The following ZMYM4 variants were observed in gnomAD, a reference collection of about 807,000 sequenced individuals.
ZMYM4 encodes zinc finger MYM-type protein 4.
ZMYM4 carries 31 observed loss-of-function variants against 183.2 expected under a neutral mutation model. The observed-to-expected ratio is 0.17, with a 90% CI of 0.13 to 0.23. The LOEUF is 0.23. Among genes scored for constraint, ZMYM4 ranks in the 10% least tolerant of loss-of-function variants. The pLI, the probability that ZMYM4 is intolerant of heterozygous loss-of-function variation, is 1.00. For synonymous variants in ZMYM4, 592 were observed against 631.2 expected (o/e 0.94, Z 0.93); for missense variants, 1,273 against 1,840.3 (o/e 0.69, Z 5.64).
intron 13 of ZMYM4, among the ~76,000 whole-genome samples, chr1:35,387,863 T>C (rs901697387): frequency 1.3e-5 from 2 of 152,196 alleles, no homozygotes; most frequent in African/African-American, 4.8e-5. Context: ...ATCCTTAGGT[T>C]CCCCATTATT....
chr1:35,403,908 A>G (rs1644956686), intron 23 of ZMYM4, among the ~76,000 whole-genome samples: 1 of 152,128 alleles, frequency 6.6e-6, no homozygotes, highest in South Asian at 2.1e-4. Flanking sequence ...AGCTTAATTA[A>G]TCTTTCAAGA....
intron 2 of ZMYM4, chr1:35,350,937 A>G (rs907530324): frequency 1.5e-6 from 1 of 664,492 alleles, no homozygotes; most frequent in African/African-American, 1.8e-5. Context: ...GGGGGATATG[A>G]TAGTCTGTGC....
rs549960021 is a variant in ZMYM4 at position 35,291,303 on chromosome 1, A to G, written c.39+22218A>G. Among the ~76,000 whole-genome samples the G allele has an allele frequency of 2.0e-5, 3 of 151,980 alleles. No individual in the cohort carries two copies. The East Asian group carries it at 5.8e-4, about 29-fold the overall frequency. On this transcript the variant is annotated intron_variant, in intron 1 of 29. Transcript: ENST00000314607. ...TTTCACTTTCTTTTTTTTTGCAGAA[A>G]TAGGGTGCCGGGTCTTGCTTTGTTG... is the stretch of plus-strand genomic sequence containing the variant.
intron 1 of ZMYM4, among the ~76,000 whole-genome samples, chr1:35,321,638 C>T (rs1036993067): frequency 6.6e-6 from 1 of 151,734 alleles, no homozygotes; most frequent in Non-Finnish European, 1.5e-5. Context: ...CTCAGTACCT[C>T]CATTTCTTCA....
chr1:35,399,610 T>C, intron 23 of ZMYM4, 34 bp downstream of exon 23: 1 of 1,607,702 alleles, frequency 6.2e-7, no homozygotes, highest in Non-Finnish European at 8.5e-7. Flanking sequence ...AGACTTTTCT[T>C]TCCTTCATTC....
At chr1:35,271,435 C>T (rs529936584) in intron 1 of ZMYM4, among the ~76,000 whole-genome samples, 1 of 152,066 alleles carries the variant, frequency 6.6e-6, no homozygotes, top group African/African-American at 2.4e-5. Context: ...CAGAGTCTTG[C>T]TCTGTTGCCC....
chr1:35,364,459 C>G (rs1644019810), intron 5 of ZMYM4, among the ~76,000 whole-genome samples: 1 of 152,184 alleles, frequency 6.6e-6, no homozygotes, highest in Admixed American at 6.5e-5. Flanking sequence ...TCCTTCTTTT[C>G]TTTTTCTTGT....
intron 1 of ZMYM4, among the ~76,000 whole-genome samples, chr1:35,316,460 G>T (rs1049929266): frequency 6.6e-6 from 1 of 152,176 alleles, no homozygotes; most frequent in East Asian, 1.9e-4. Flanking sequence ...ATAAACTTCA[G>T]TGCTAGCTCT....
In ZMYM4 at chr1:35,359,258, A is replaced by G; in HGVS notation, c.419A>G (p.Lys140Arg). ...AATAAGTTAAAAAAAGACTTTCCTAAACAATTTGATCAGGTTTCTGTCTTT... is the reference window on the plus strand; with the variant it reads ...AATAAGTTAAAAAAAGACTTTCCTAGACAATTTGATCAGGTTTCTGTCTTT... Reference protein sequence around the residue: ...IQNKLKKDFPKQFDQVSVFKS... With the variant: ...IQNKLKKDFPRQFDQVSVFKS... The change falls in exon 3 of 30, where the codon AAA becomes AGA. Residue 140 changes from lysine to arginine, a missense_variant. Around this residue, in one of 6 missense-constraint regions of ZMYM4, gnomAD observed 384 missense variants for 465.6 expected, o/e 0.82. Coordinates refer to ENST00000314607, the MANE Select transcript of ZMYM4 (RefSeq NM_005095.3). 6.2e-7 allele frequency: 1 copy of G among 1,609,806 alleles called. No homozygotes were observed. Among genetic ancestry groups the G allele is most frequent in the Non-Finnish European group, 8.5e-7 (1 of 1,178,612 alleles).
rs966088499 is a variant in ZMYM4 at position 35,352,264 on chromosome 1, C to T, written c.86-6661C>T. On this transcript the variant is annotated intron_variant, in intron 2 of 29. Coordinates refer to ENST00000314607, the MANE Select transcript of ZMYM4 (RefSeq NM_005095.3). Reference sequence around the variant, plus strand: ...TAATTTAAAAATTAGCGCGCACGCGCGCGCGCACACACACACACACACACA... The same window carrying T: ...TAATTTAAAAATTAGCGCGCACGCGTGCGCGCACACACACACACACACACA... 1.7e-3 allele frequency among the ~76,000 whole-genome samples: 110 copies of T among 64,554 alleles called. 2 individuals are homozygous for T. Among genetic ancestry groups the T allele is most frequent in the African/African-American group, 4.5e-3 (61 of 13,616 alleles). The allele number at this position is 64,554 out of a possible 152,430, so 42.3% of individuals were successfully genotyped here. A position where few individuals can be genotyped will look rare whatever the true frequency, so the allele number is the denominator to read the frequency against.
At chr1:35,313,283 C>A (rs1641884544) in intron 1 of ZMYM4, among the ~76,000 whole-genome samples, 1 of 152,192 alleles carries the variant, frequency 6.6e-6, no homozygotes, top group Admixed American at 6.5e-5. Flanking sequence ...GATCTCCCTG[C>A]CTTGGCCTCC....
At chr1:35,293,746 G>T (rs1640873063) in intron 1 of ZMYM4, among the ~76,000 whole-genome samples, 1 of 152,176 alleles carries the variant, frequency 6.6e-6, no homozygotes, top group South Asian at 2.1e-4. Flanking sequence ...TCGAAGCCAA[G>T]GAGAAAGAGT....
At chr1:35,319,199 C>T (rs545461743) in intron 1 of ZMYM4, among the ~76,000 whole-genome samples, 18 of 152,114 alleles carry the variant, frequency 1.2e-4, no homozygotes, top group Non-Finnish European at 2.1e-4. Flanking sequence ...GAGTTTTTAA[C>T]GTTTCAAGTG....
At chr1:35,405,218 T>A in intron 24 of ZMYM4, 24 bp downstream of exon 24, 1 of 1,609,488 alleles carries the variant, frequency 6.2e-7, no homozygotes, top group Non-Finnish European at 8.5e-7. Context: ...ATGAATTGTA[T>A]CTTGATTTAG....
rs1319711302 is a variant in ZMYM4, at chr1:35,358,983, C to T, written c.144C>T (p.Thr48=). The change falls in exon 3 of 30, where the codon ACC becomes ACT. Residue 48 remains threonine (T), a synonymous_variant. Coordinates refer to ENST00000314607, the MANE Select transcript of ZMYM4 (RefSeq NM_005095.3). ...SEDIDHNLTP[T]LDSMSYGMPN... Reference sequence around the variant, plus strand: ...ATATAGACCACAACTTAACTCCTACCCTTGACAGCATGTCTTATGGAATGC... The same window carrying T: ...ATATAGACCACAACTTAACTCCTACTCTTGACAGCATGTCTTATGGAATGC... The T allele has an allele frequency of 1.2e-6, 2 of 1,613,666 alleles. No homozygotes were observed. Among genetic ancestry groups the T allele is most frequent in the East Asian group, 2.2e-5 (1 of 44,848 alleles).
At position 35,277,167 on chromosome 1, in the gene ZMYM4, C is replaced by T. The variant is rs1570224941; in HGVS notation, c.39+8082C>T. Among the ~76,000 whole-genome samples, 3 of 152,284 alleles carry T rather than the reference C, an allele frequency of 2.0e-5. No homozygotes were observed. The East Asian group carries it at 5.8e-4, about 29-fold the overall frequency. ...TTTAGTTATCCTGATCCCTAGGCCA[C>T]ATCTCCGATAAATTAATCAGAGCCC... On this transcript the variant is annotated intron_variant, in intron 1 of 29. Coordinates refer to ENST00000314607, the MANE Select transcript of ZMYM4 (RefSeq NM_005095.3).
At chr1:35,387,936 A>C (rs1031008684) in intron 13 of ZMYM4, among the ~76,000 whole-genome samples, 3 of 152,208 alleles carry the variant, frequency 2.0e-5, no homozygotes, top group Non-Finnish European at 4.4e-5. Context: ...GGATGCCTTA[A>C]ATTATGGTAA....
At chr1:35,287,820 G>C (rs1327937738) in intron 1 of ZMYM4, among the ~76,000 whole-genome samples, 1 of 152,056 alleles carries the variant, frequency 6.6e-6, no homozygotes, top group Non-Finnish European at 1.5e-5. Flanking sequence ...TGGTCAGGCT[G>C]GTCTCGAACT....
rs191419871 is a variant in ZMYM4, at chr1:35,363,260, G to A, written c.840+1471G>A. On this transcript the variant is annotated intron_variant, in intron 5 of 29. Transcript: ENST00000314607. ...CTTCCAAAGTGTTGGGTTTACAGACGTGAGCCACCGTGCCTGGTCAAGTGC... is the reference window on the plus strand; with the variant it reads ...CTTCCAAAGTGTTGGGTTTACAGACATGAGCCACCGTGCCTGGTCAAGTGC... Among the ~76,000 whole-genome samples the A allele has an allele frequency of 7.6e-4, 115 of 152,242 alleles. 1 individual carries two copies. Among genetic ancestry groups the A allele is most frequent in the African/African-American group, 2.3e-3 (94 of 41,550 alleles).
Sources: gnomAD v4.1 joint callset for allele counts (sites outside exome capture counted in the v4.1 genomes callset) on GRCh38, gnomAD v4.1.1 for gene constraint, gnomAD v4.1.1 regional missense constraint, MANE v1.5 for transcripts, NCBI Gene and HGNC (gene_info 2026-07-23, HGNC 2026-07-21) for gene names.